Variants in RGS6 observed in about 807,000 individuals in gnomAD.
RGS6 encodes regulator of G protein signaling 6.
Under a neutral mutation model 78.5 loss-of-function variants are expected in RGS6, and 30 were observed. That is an observed-to-expected ratio of 0.38 (90% CI 0.29 to 0.52). RGS6 has a LOEUF of 0.52. RGS6 is among the 20% of genes least tolerant of loss of function. The pLI is 0.85. For synonymous variants in RGS6, 206 were observed against 206.0 expected, an observed-to-expected ratio of 1.00 and a Z score of 0.00; for missense variants, 495 against 609.7, an observed-to-expected ratio of 0.81 and a Z score of 1.98.
intron 2 of RGS6, among the ~76,000 whole-genome samples, chr14:72,259,910 C>CAAAAAAAAAAAAA (rs11287556): frequency 5.8e-5 from 4 of 68,400 alleles, no homozygotes; most frequent in African/African-American, 9.0e-5. Context: ...GACTCCGTCT[C>CAAAAAAAAAAAAA]AAAAAAAAAA....
chr14:72,511,063 A>G (rs1385549580), intron 14 of RGS6, among the ~76,000 whole-genome samples: 1 of 152,226 alleles, frequency 6.6e-6, no homozygotes, highest in Non-Finnish European at 1.5e-5. Context: ...TTAGACTTTT[A>G]TGGTATTAGA....
At chr14:72,492,190 A>T (rs2096587101) in intron 12 of RGS6, among the ~76,000 whole-genome samples, 1 of 152,348 alleles carries the variant, frequency 6.6e-6, no homozygotes, top group South Asian at 2.1e-4. Flanking sequence ...CATTTATTTC[A>T]TCAGTTTCAC....
the RGS6 span, among the ~76,000 whole-genome samples, chr14:72,612,995 T>TGTGTGTGC: frequency 2.6e-5 from 1 of 38,254 alleles, no homozygotes; most frequent in African/African-American, 8.6e-5. Flanking sequence ...AAGTAGGGCG[T>TGTGTGTGC]GTGTGTGTGT....
At chr14:72,493,483 A>G (rs2044995449) in intron 12 of RGS6, among the ~76,000 whole-genome samples, 1 of 125,564 alleles carries the variant, frequency 8.0e-6, no homozygotes. Flanking sequence ...ACAATTCAGG[A>G]TGTCCAATAT....
rs1363299288 is a variant in RGS6 at position 72,562,544 on chromosome 14, A to C, written c.*77A>C. On this transcript the variant is annotated 3_prime_UTR_variant, in exon 18 of 18. Transcript: ENST00000553525. ...GGCGGCGCTCCACATCTGCGGACAG[A>C]GTTTCCTTACGAGGAGACTTGGTCA... 8.8e-6 allele frequency: 14 copies of C among 1,593,354 alleles called. No individual in the cohort carries two copies. The highest frequency in any genetic ancestry group is 1.1e-5 in the Non-Finnish European group (13 of 1,175,524).
intron 2 of RGS6, among the ~76,000 whole-genome samples, chr14:72,297,344 C>T (rs542231687): frequency 2.0e-5 from 3 of 151,854 alleles, no homozygotes; most frequent in Admixed American, 6.6e-5. Flanking sequence ...TCTATTAAGT[C>T]ATTAGATAAA....
intron 2 of RGS6, among the ~76,000 whole-genome samples, chr14:72,007,877 C>T: frequency 6.6e-6 from 1 of 152,150 alleles, no homozygotes. Flanking sequence ...CTTGAAGAAA[C>T]ACCATCAGCT....
At chr14:72,454,634 A>G (rs1218165983) in intron 4 of RGS6, 56 bp downstream of exon 4, 4 of 1,476,900 alleles carry the variant, frequency 2.7e-6, no homozygotes, top group Non-Finnish European at 3.7e-6. Flanking sequence ...ACATCCCATA[A>G]CCAAGTTCCA....
At chr14:72,417,013 A>G (rs780239188) in intron 3 of RGS6, among the ~76,000 whole-genome samples, 1 of 152,166 alleles carries the variant, frequency 6.6e-6, no homozygotes, top group African/African-American at 2.4e-5. Flanking sequence ...GACTGCTACT[A>G]TGATTACCGT....
At chr14:71,988,700 G>A (rs2094827249) in intron 2 of RGS6, among the ~76,000 whole-genome samples, 1 of 152,090 alleles carries the variant, frequency 6.6e-6, no homozygotes, top group African/African-American at 2.4e-5. Context: ...GAAAGAGACT[G>A]AAAAAGCATC....
At chr14:71,954,848 A>G (rs936810992) in intron 1 of RGS6, among the ~76,000 whole-genome samples, 1 of 152,168 alleles carries the variant, frequency 6.6e-6, no homozygotes, top group African/African-American at 2.4e-5. Flanking sequence ...TTTTCATCAT[A>G]GTTATTTTAA....
At chr14:71,990,818 A>G (rs1015375118) in intron 2 of RGS6, 6 of 455,814 alleles carry the variant, frequency 1.3e-5, no homozygotes, top group African/African-American at 6.0e-5. Context: ...AATCTTCCTC[A>G]CTTACCACAA....
intron 2 of RGS6, among the ~76,000 whole-genome samples, chr14:72,181,772 T>C (rs554722148): frequency 2.0e-5 from 3 of 152,346 alleles, no homozygotes; most frequent in Non-Finnish European, 4.4e-5. Context: ...TGAGGGTTTT[T>C]AGTTTTTGTT....
chr14:72,499,688 A>C (rs1349835561), intron 13 of RGS6, among the ~76,000 whole-genome samples: 3 of 146,268 alleles, frequency 2.1e-5, no homozygotes, highest in Non-Finnish European at 4.5e-5. Flanking sequence ...TTTTTTTTTT[A>C]CTTAACTGAG....
the RGS6 span, among the ~76,000 whole-genome samples, chr14:71,889,765 G>A: frequency 4.6e-5 from 7 of 152,100 alleles, no homozygotes; most frequent in African/African-American, 1.4e-4. Context: ...TTGGAGGTGG[G>A]GCCTGGTGGG....
At chr14:72,541,523 G>C in intron 17 of RGS6, 3 of 1,535,682 alleles carry the variant, frequency 2.0e-6, no homozygotes, top group Non-Finnish European at 2.6e-6. Context: ...TGGCTGCTTT[G>C]CCAATGGCCG....
chr14:71,964,566 T>A (rs568748673), intron 1 of RGS6, among the ~76,000 whole-genome samples: 1 of 152,320 alleles, frequency 6.6e-6, no homozygotes, highest in African/African-American at 2.4e-5. Context: ...GATTCTGAGC[T>A]GAAAATCAAT....
intron 2 of RGS6, among the ~76,000 whole-genome samples, chr14:72,292,231 C>A (rs1020940171): frequency 1.3e-5 from 2 of 152,140 alleles, no homozygotes; most frequent in African/African-American, 4.8e-5. Context: ...GACTTGACAC[C>A]CCTGTATGGT....
intron 4 of RGS6, among the ~76,000 whole-genome samples, chr14:72,457,357 G>C (rs1049252448): frequency 3.3e-5 from 5 of 152,198 alleles, no homozygotes; most frequent in Admixed American, 1.3e-4. Flanking sequence ...CCAAAAATTA[G>C]TTTTAACCTG....
Sources: gnomAD v4.1 joint callset for allele counts (sites outside exome capture counted in the v4.1 genomes callset) on GRCh38, gnomAD v4.1.1 for gene constraint, MANE v1.5 for transcripts, NCBI Gene and HGNC (gene_info 2026-07-23, HGNC 2026-07-21) for gene names.